Variants in GRAMD4 observed in about 807,000 individuals in gnomAD.
GRAMD4 encodes GRAM domain-containing protein 4.
Under a neutral mutation model 83.9 loss-of-function variants are expected in GRAMD4, and 25 were observed. The ratio of observed to expected loss-of-function variants is 0.30; its 90% CI spans 0.22 to 0.42. GRAMD4 has a LOEUF of 0.42. GRAMD4 is among the 10% of genes least tolerant of loss of function. The pLI, the probability that GRAMD4 is intolerant of heterozygous loss-of-function variation, is 1.00. For synonymous variants in GRAMD4, 336 were observed against 320.9 expected, an observed-to-expected ratio of 1.05 and a Z score of -0.50; for missense variants, 593 against 788.7, an observed-to-expected ratio of 0.75 and a Z score of 2.97.
chr22:46,588,096 G>A (rs978642930), intron 1 of GRAMD4, among the ~76,000 whole-genome samples: 5 of 151,930 alleles, frequency 3.3e-5, no homozygotes, highest in Non-Finnish European at 5.9e-5. Context: ...CCATGGAGCC[G>A]CCTTCGGGGG....
intron 1 of GRAMD4, among the ~76,000 whole-genome samples, chr22:46,583,694 C>T (rs958281784): frequency 6.6e-6 from 1 of 152,242 alleles, no homozygotes; most frequent in Non-Finnish European, 1.5e-5. Flanking sequence ...GGGAGGAAGA[C>T]CACAGGGGCA....
At chr22:46,629,398 G>A (rs912693753) in intron 2 of GRAMD4, among the ~76,000 whole-genome samples, 2 of 152,176 alleles carry the variant, frequency 1.3e-5, no homozygotes, top group African/African-American at 4.8e-5. Flanking sequence ...TAATGACCGT[G>A]AAATACTGAT....
At chr22:46,607,955 C>T (rs969826029) in intron 1 of GRAMD4, among the ~76,000 whole-genome samples, 1 of 152,162 alleles carries the variant, frequency 6.6e-6, no homozygotes, top group African/African-American at 2.4e-5. Context: ...CCCCAGGGGC[C>T]GTGGGGTGTC....
In GRAMD4 at chr22:46,662,457, G is replaced by A. The variant is rs1056424501; in HGVS notation, c.467-583G>A. ...ATTCTTCCGGTTTCCCGCCGTGGAG[G>A]CTGCTTTCCAGAGGTGTTCGCTTTT... On this transcript the variant is annotated intron_variant, in intron 5 of 18. Coordinates refer to ENST00000406902, the MANE Select transcript of GRAMD4 (RefSeq NM_015124.5). Among the ~76,000 whole-genome samples, 6 of 152,376 alleles carry A rather than the reference G, an allele frequency of 3.9e-5. No homozygotes were observed. The East Asian group carries it at 1.2e-3, about 29-fold the overall frequency.
chr22:46,676,174 G>A (rs1465749891), intron 17 of GRAMD4, among the ~76,000 whole-genome samples: 1 of 152,150 alleles, frequency 6.6e-6, no homozygotes, highest in African/African-American at 2.4e-5. Flanking sequence ...TCTCCCACCC[G>A]GCTCTGGAAA....
chr22:46,645,968 A>G (rs1049151059), intron 3 of GRAMD4, among the ~76,000 whole-genome samples: 1 of 152,196 alleles, frequency 6.6e-6, no homozygotes, highest in Non-Finnish European at 1.5e-5. Context: ...ACCCAAGAGC[A>G]CTGTGATGTA....
At chr22:46,593,886 G>T (rs1412915380) in intron 1 of GRAMD4, among the ~76,000 whole-genome samples, 1 of 151,790 alleles carries the variant, frequency 6.6e-6, no homozygotes, top group Non-Finnish European at 1.5e-5. Context: ...ACCACCCTGG[G>T]CTAATTTTTG....
At chr22:46,625,254 G>A (rs1014232336) in intron 1 of GRAMD4, among the ~76,000 whole-genome samples, 2 of 152,190 alleles carry the variant, frequency 1.3e-5, no homozygotes, top group African/African-American at 2.4e-5. Flanking sequence ...GAACCTCCGC[G>A]CCTCTGTGGC....
intron 1 of GRAMD4, among the ~76,000 whole-genome samples, chr22:46,603,201 GTTTTTTTTTTTTT>G (rs569545888): frequency 1.1e-5 from 1 of 89,414 alleles, no homozygotes; most frequent in African/African-American, 4.7e-5. Context: ...ATCTTCTCTT[GTTTTTTTTTTTTT>G]TTTTTTTTTT....
rs2081663667 is a variant in GRAMD4, at chr22:46,626,604, G to A, written c.-49-147G>A. The A allele has an allele frequency of 8.9e-6, 5 of 564,326 alleles. No individual in the cohort carries two copies. In the Admixed American group the frequency reaches 9.3e-5, roughly 10 times the overall value. The allele number at this position is 564,326 out of a possible 1,614,324, so 35.0% of individuals were successfully genotyped here. Reference sequence around the variant, plus strand: ...GGGAGCTGGCTCGTGGGGCTTGGAGGTGTGTGTGGGAGGGACGGTGGCAGG... The same window carrying A: ...GGGAGCTGGCTCGTGGGGCTTGGAGATGTGTGTGGGAGGGACGGTGGCAGG... On this transcript the variant is annotated intron_variant, in intron 1 of 18. Coordinates refer to ENST00000406902, the MANE Select transcript of GRAMD4 (RefSeq NM_015124.5).
chr22:46,642,915 C>T (rs1400739002), intron 3 of GRAMD4, among the ~76,000 whole-genome samples: 1 of 152,004 alleles, frequency 6.6e-6, no homozygotes, highest in Non-Finnish European at 1.5e-5. Flanking sequence ...ATCTATTTAT[C>T]CATCCAGGGA....
rs1427856025 is a variant in GRAMD4 at position 46,673,775 on chromosome 22, G to A, written c.1345G>A (p.Glu449Lys). Reference sequence around the variant, plus strand: ...CAGCACCAAGAAGGGCAATTTCCACGAGATCTTCAATCTGACAGAAAACGA... The same window carrying A: ...CAGCACCAAGAAGGGCAATTTCCACAAGATCTTCAATCTGACAGAAAACGA... Reference protein sequence around the residue: ...FHSTKKGNFHEIFNLTENERP... With the variant: ...FHSTKKGNFHKIFNLTENERP... Residue 449 changes from glutamate to lysine, a missense_variant, in exon 15 of 19, where the codon GAG becomes AAG. Around this residue, in one of 4 missense-constraint regions of GRAMD4, gnomAD observed 171 missense variants for 199.6 expected, o/e 0.86. Coordinates refer to ENST00000406902, the MANE Select transcript of GRAMD4 (RefSeq NM_015124.5). 2 of 1,613,118 alleles carry A rather than the reference G, an allele frequency of 1.2e-6. No homozygotes were observed. Among genetic ancestry groups the A allele is most frequent in the Admixed American group, 1.7e-5 (1 of 60,024 alleles).
chr22:46,671,401 C>T (rs1235600870), intron 13 of GRAMD4, among the ~76,000 whole-genome samples: 1 of 152,156 alleles, frequency 6.6e-6, no homozygotes, highest in African/African-American at 2.4e-5. Flanking sequence ...AATGTAGCCG[C>T]GTGTGGAGCT....
In GRAMD4 at chr22:46,583,733, C is replaced by T. The variant is rs144450332; in HGVS notation, c.-50+6443C>T. 1.6e-4 allele frequency among the ~76,000 whole-genome samples: 24 copies of T among 152,364 alleles called. No individual in the cohort carries two copies. In the South Asian group the frequency reaches 1.7e-3, roughly 11 times the overall value. On this transcript the variant is annotated intron_variant, in intron 1 of 1. Transcript: ENST00000431155. ...TGCCCTCTAACCACGTCACGCCAGGCGCATACCTTCGATGTGGCCCGCGGC... is the reference window on the plus strand; with the variant it reads ...TGCCCTCTAACCACGTCACGCCAGGTGCATACCTTCGATGTGGCCCGCGGC...
At chr22:46,615,621 G>T (rs1316391754), upstream of GRAMD4, among the ~76,000 whole-genome samples, 1 of 117,744 alleles carries the variant, frequency 8.5e-6, no homozygotes, top group Non-Finnish European at 1.8e-5. Context: ...CGTGCGTGTA[G>T]GTTCCCCCGT....
intron 3 of GRAMD4, among the ~76,000 whole-genome samples, chr22:46,649,996 T>C (rs2082140595): frequency 6.6e-6 from 1 of 151,948 alleles, no homozygotes; most frequent in Non-Finnish European, 1.5e-5. Flanking sequence ...AGGGCTGAAT[T>C]GGGCTGGGAG....
chr22:46,675,197 A>G (rs2082577283), intron 16 of GRAMD4, among the ~76,000 whole-genome samples: 1 of 151,230 alleles, frequency 6.6e-6, no homozygotes, highest in Non-Finnish European at 1.5e-5. Context: ...AGTGGCCGTG[A>G]GTGTCTCAGA....
At chr22:46,623,618 G>T (rs1269958429) in intron 1 of GRAMD4, among the ~76,000 whole-genome samples, 1 of 151,902 alleles carries the variant, frequency 6.6e-6, no homozygotes, top group Non-Finnish European at 1.5e-5. Context: ...GGATGGTCTC[G>T]ATGTCCTGAC....
intron 1 of GRAMD4, among the ~76,000 whole-genome samples, chr22:46,603,201 G>GTTTTTTTTTT (rs569545888): frequency 1.1e-5 from 1 of 89,414 alleles, no homozygotes; most frequent in African/African-American, 4.7e-5. Context: ...ATCTTCTCTT[G>GTTTTTTTTTT]TTTTTTTTTT....
Sources: allele counts gnomAD v4.1 joint callset (sites outside exome capture counted in the v4.1 genomes callset), GRCh38; gene constraint gnomAD v4.1.1; regional missense constraint gnomAD v4.1.1; transcripts MANE v1.5; gene names NCBI Gene and HGNC (gene_info 2026-07-23, HGNC 2026-07-21).